SLC28A1: variants seen among roughly 807,000 people sequenced by gnomAD.
The protein encoded by SLC28A1 is sodium/nucleoside cotransporter 1.
SLC28A1 carries 64 observed loss-of-function variants against 74.8 expected under a neutral mutation model. The ratio of observed to expected loss-of-function variants is 0.86; its 90% CI spans 0.70 to 1.05. SLC28A1 has a LOEUF of 1.05. Ranked by LOEUF, SLC28A1 falls within the 50% of genes least tolerant of loss-of-function variation. The pLI is 0.00. For synonymous variants in SLC28A1, 359 were observed against 335.0 expected, an observed-to-expected ratio of 1.07 and a Z score of -0.78; for missense variants, 828 against 822.8, an observed-to-expected ratio of 1.01 and a Z score of -0.08.
At chr15:84,967,092 T>C in the SLC28A1 span, among the ~76,000 whole-genome samples, 1,000 of 152,266 alleles carry the variant, frequency 6.6e-3, 20 homozygotes, top group African/African-American at 0.022. Context: ...TTCTATGTCA[T>C]TTTAGCTTCT....
chr15:84,939,987 C>G (rs551661894), intron 15 of SLC28A1, among the ~76,000 whole-genome samples: 121 of 152,222 alleles, frequency 7.9e-4, no homozygotes, highest in African/African-American at 2.7e-3. Flanking sequence ...CCACACCTGG[C>G]TAACTAACCT....
the SLC28A1 span, among the ~76,000 whole-genome samples, chr15:84,973,914 T>C: frequency 6.6e-6 from 1 of 152,162 alleles, no homozygotes. Context: ...GGTCAGAATC[T>C]TCCCCTCCAC....
At chr15:84,922,542 C>T (rs1969958120) in intron 11 of SLC28A1, among the ~76,000 whole-genome samples, 1 of 152,296 alleles carries the variant, frequency 6.6e-6, no homozygotes, top group South Asian at 2.1e-4. Context: ...GGGCCACCTG[C>T]CTCTCACCTG....
intron 9 of SLC28A1, among the ~76,000 whole-genome samples, chr15:84,909,218 C>T (rs574044914): frequency 3.3e-5 from 5 of 152,034 alleles, no homozygotes; most frequent in Non-Finnish European, 5.9e-5. Flanking sequence ...TCCTCTCAGG[C>T]GCTCCTCCTT....
At chr15:84,947,288 G>A (rs1308314242), downstream of SLC28A1, among the ~76,000 whole-genome samples, 2 of 152,184 alleles carry the variant, frequency 1.3e-5, no homozygotes, top group East Asian at 3.9e-4. Flanking sequence ...TGGGCAGGGT[G>A]CCCTGTTGAT....
chr15:84,904,257 G>A lies in SLC28A1; in HGVS notation c.603+19G>A. The A allele has an allele frequency of 1.2e-6, 2 of 1,613,214 alleles. No individual in the cohort carries two copies. The highest frequency in any genetic ancestry group is 1.7e-6 in the Non-Finnish European group (2 of 1,180,020). ...TTGCGCAGTGAGTGCTAGTTGTGGG[G>A]CCCAGGGCTGGAAGTGTTTGCCTCT... On this transcript the variant is annotated intron_variant, in intron 7 of 18. Coordinates refer to ENST00000394573, the MANE Select transcript of SLC28A1 (RefSeq NM_004213.5).
intron 6 of SLC28A1, among the ~76,000 whole-genome samples, chr15:84,896,568 C>T (rs12900152): frequency 0.095 from 14,499 of 152,198 alleles, 902 homozygotes; most frequent in Admixed American, 0.13. Context: ...AATCCCAGCA[C>T]TTTGGGAGGC....
At chr15:84,928,520 TTCG>T in intron 12 of SLC28A1, among the ~76,000 whole-genome samples, 1 of 25,726 alleles carries the variant, frequency 3.9e-5, no homozygotes, top group African/African-American at 2.0e-4. Flanking sequence ...AGCTCCCAGG[TTCG>T]TTCGTTCTTT....
chr15:84,886,821 C>T, intron 2 of SLC28A1, 34 bp downstream of exon 2: 1 of 954,310 alleles, frequency 1.0e-6, no homozygotes, highest in Non-Finnish European at 1.2e-6. Flanking sequence ...TCTGTGTGCG[C>T]TGCTGTGCGT....
In SLC28A1 at chr15:84,945,194, A is replaced by G. The variant is rs747596313; in HGVS notation, c.1944A>G (p.Ala648=). Residue 648 remains alanine (A), a synonymous_variant, in exon 19 of 19, where the codon GCA becomes GCG. Coordinates refer to ENST00000394573, the MANE Select transcript of SLC28A1 (RefSeq NM_004213.5). ...CCRFYNHTIC[A]Q ...GGTTTTACAACCACACGATCTGTGC[A>G]CAGTGAGGACAGAACATGCTTGTGC... 7.4e-6 allele frequency: 12 copies of G among 1,613,740 alleles called. No individual in the cohort carries two copies. The South Asian group carries it at 1.1e-4, about 15-fold the overall frequency.
intron 6 of SLC28A1, chr15:84,895,757 G>GT: frequency 8.1e-7 from 1 of 1,237,080 alleles, no homozygotes; most frequent in East Asian, 4.0e-5. Context: ...AATTCGCTGG[G>GT]GGAAAAAAAC....
chr15:84,942,298 T>C (rs945899008), intron 15 of SLC28A1, among the ~76,000 whole-genome samples: 4 of 152,316 alleles, frequency 2.6e-5, no homozygotes, highest in African/African-American at 9.6e-5. Flanking sequence ...CCAATTATAC[T>C]CTTAGTTATT....
chr15:84,941,427 G>A (rs143862524), intron 15 of SLC28A1, among the ~76,000 whole-genome samples: 23 of 151,980 alleles, frequency 1.5e-4, no homozygotes, highest in South Asian at 4.2e-4. Flanking sequence ...GGATGGTCTC[G>A]GTCTCCTGAA....
the SLC28A1 span, chr15:84,961,422 C>G: frequency 2.3e-6 from 1 of 436,672 alleles, no homozygotes; most frequent in African/African-American, 2.0e-5. Flanking sequence ...GCCTCAACCT[C>G]CTGGGCTCAA....
In SLC28A1 at chr15:84,898,579, C is replaced by CAAA. The variant is rs34936074; in HGVS notation, c.461+3470_461+3472dup. Among the ~76,000 whole-genome samples, 598 of 138,156 alleles carry CAAA rather than the reference C, an allele frequency of 4.3e-3. 3 individuals carry two copies. Among genetic ancestry groups the CAAA allele is most frequent in the Middle Eastern group, 0.015 (4 of 272 alleles). The allele number at this position is 138,156 out of a possible 152,430, so 90.6% of individuals were successfully genotyped here. A position where few individuals can be genotyped will look rare whatever the true frequency, so the allele number is the denominator to read the frequency against. ...GGGCGACAGAGCAAGACTCCATCAC[C>CAAA]AAAAAAAAAAAAAAAATACATGCAT... is the stretch of plus-strand genomic sequence containing the variant. On this transcript the variant is annotated intron_variant, in intron 6 of 18. Coordinates refer to ENST00000394573, the MANE Select transcript of SLC28A1 (RefSeq NM_004213.5).
At position 84,945,686 on chromosome 15, in the gene SLC28A1, G is replaced by A; in HGVS notation, c.*486G>A. The A allele has an allele frequency of 4.4e-6, 1 of 229,662 alleles. No individual in the cohort carries two copies. Among genetic ancestry groups the A allele is most frequent in the Non-Finnish European group, 8.7e-6 (1 of 115,236 alleles). The allele number at this position is 229,662 out of a possible 1,614,324, so 14.2% of individuals were successfully genotyped here. A position where few individuals can be genotyped will look rare whatever the true frequency, so the allele number is the denominator to read the frequency against. Reference sequence around the variant, plus strand: ...AACCCTTCCCGCCTTTCCTCAGAGTGCTTCCCAAACTGAGGTCCCATGGCA... The same window carrying A: ...AACCCTTCCCGCCTTTCCTCAGAGTACTTCCCAAACTGAGGTCCCATGGCA... On this transcript the variant is annotated 3_prime_UTR_variant, in exon 19 of 19. Coordinates refer to ENST00000394573, the MANE Select transcript of SLC28A1 (RefSeq NM_004213.5).
At chr15:84,946,063 T>C (rs1394593905), downstream of SLC28A1, among the ~76,000 whole-genome samples, 4 of 75,514 alleles carry the variant, frequency 5.3e-5, no homozygotes, top group South Asian at 3.8e-4. Flanking sequence ...TACATACATA[T>C]ATATATATGT....
In SLC28A1 at chr15:84,890,518, A is replaced by G; in HGVS notation, c.261A>G (p.Thr87=). The G allele has an allele frequency of 6.2e-7, 1 of 1,610,950 alleles. No individual in the cohort carries two copies. Among genetic ancestry groups the G allele is most frequent in the Non-Finnish European group, 8.5e-7 (1 of 1,179,396 alleles). The change falls in exon 5 of 19, where the codon ACA becomes ACG. Residue 87 remains threonine, a synonymous_variant. Coordinates refer to ENST00000394573, the MANE Select transcript of SLC28A1 (RefSeq NM_004213.5). ...TGCAGCTGTTTCGATGGATCGGCAC[A>G]GGCCTGCTCTGCACTGGTGAGCCTG... ...EHMQLFRWIG[T]GLLCTGLSAF...
chr15:84,895,130 G>A lies in SLC28A1; in HGVS notation c.461+7G>A, dbSNP rs763031548. 26 of 1,613,682 alleles carry A rather than the reference G, an allele frequency of 1.6e-5. 2 individuals are homozygous for A. In the South Asian group the frequency reaches 2.9e-4, roughly 18 times the overall value. The stretch of plus-strand genomic sequence containing the variant: ...TGCTGCTCTGGTTTAAGAGGTGAGT[G>A]AGCTCACAGCCCCGAGGCAGGGCAG... On this transcript the variant is annotated splice_region_variant and intron_variant, in intron 6 of 18. Coordinates refer to ENST00000394573, the MANE Select transcript of SLC28A1 (RefSeq NM_004213.5).
Sources: gnomAD v4.1 joint callset for allele counts (sites outside exome capture counted in the v4.1 genomes callset) on GRCh38, gnomAD v4.1.1 for gene constraint, MANE v1.5 for transcripts, NCBI Gene and HGNC (gene_info 2026-07-23, HGNC 2026-07-21) for gene names.